Variants in PAX5 observed in about 807,000 individuals in gnomAD.
The protein encoded by PAX5 is paired box protein Pax-5.
A neutral mutation model predicts 43.7 loss-of-function variants in PAX5; 9 were observed. That is an observed-to-expected ratio of 0.21 (90% CI 0.12 to 0.36). The LOEUF (loss-of-function observed/expected upper bound fraction) is 0.36, where lower values mean the gene tolerates loss of function less well. Ranked by LOEUF, PAX5 falls within the 10% of genes least tolerant of loss-of-function variation. The probability of loss-of-function intolerance (pLI) is 1.00; values close to 1 mark genes in which losing one functional copy is unlikely to be tolerated. For synonymous variants in PAX5, 228 were observed against 214.3 expected (o/e 1.06, Z -0.56); for missense variants, 383 against 532.7 (o/e 0.72, Z 2.77).
intron 1 of PAX5, among the ~76,000 whole-genome samples, chr9:37,028,809 A>G (rs1283903054): frequency 6.6e-6 from 1 of 152,242 alleles, no homozygotes; most frequent in Admixed American, 6.5e-5. Flanking sequence ...CCTTCCCTCT[A>G]CAGGGGAAGT....
At chr9:36,909,814 A>ATTTTTTTTT (rs752114508) in intron 7 of PAX5, among the ~76,000 whole-genome samples, 16 of 91,866 alleles carry the variant, frequency 1.7e-4, no homozygotes, top group East Asian at 7.5e-4. Flanking sequence ...AGACATTTTA[A>ATTTTTTTTT]TTTTTTTTTT....
At chr9:36,863,850 C>T (rs1265048252) in intron 8 of PAX5, among the ~76,000 whole-genome samples, 2 of 152,232 alleles carry the variant, frequency 1.3e-5, no homozygotes, top group Non-Finnish European at 2.9e-5. Flanking sequence ...GTGGCTCACG[C>T]CTCCAATCCC....
At chr9:36,995,169 G>T (rs1588172110) in intron 5 of PAX5, among the ~76,000 whole-genome samples, 2 of 152,236 alleles carry the variant, frequency 1.3e-5, no homozygotes, top group South Asian at 2.1e-4. Context: ...GAGATGGAGA[G>T]GCTGCCTGTT....
In PAX5 at chr9:36,838,872, A is replaced by T. The variant is rs184703864; in HGVS notation, c.*1688T>A. On this transcript the variant is annotated 3_prime_UTR_variant, in exon 10 of 10. Coordinates refer to ENST00000358127, the MANE Select transcript of PAX5 (RefSeq NM_016734.3). ...TTTTGTCTGAGGTCCCACAGCAAAG[A>T]CATGTGGCCAGGACCAGGACAAGAC... The T allele has an allele frequency of 2.1e-5, 5 of 233,242 alleles. No homozygotes were observed. In the East Asian group the frequency reaches 3.0e-4, roughly 14 times the overall value. The allele number at this position is 233,242 out of a possible 1,614,324, so 14.4% of individuals were successfully genotyped here.
intron 7 of PAX5, among the ~76,000 whole-genome samples, chr9:36,890,379 C>T (rs956175534): frequency 2.0e-5 from 3 of 152,062 alleles, no homozygotes; most frequent in Non-Finnish European, 2.9e-5. Flanking sequence ...CATACAAGGC[C>T]CAAACTATAA....
At chr9:36,985,645 G>A (rs1836328829) in intron 5 of PAX5, among the ~76,000 whole-genome samples, 3 of 152,176 alleles carry the variant, frequency 2.0e-5, no homozygotes, top group Admixed American at 1.3e-4. Context: ...AGGGCAAGAA[G>A]AGCTTTCTGA....
chr9:36,978,255 A>T (rs1588132444), intron 5 of PAX5, among the ~76,000 whole-genome samples: 2 of 152,182 alleles, frequency 1.3e-5, no homozygotes, highest in African/African-American at 4.8e-5. Context: ...TAATTACTCC[A>T]CCTTACAGAG....
At chr9:37,001,810 C>CTTT (rs3073720) in intron 5 of PAX5, among the ~76,000 whole-genome samples, 6,744 of 87,554 alleles carry the variant, frequency 0.077, 640 homozygotes, top group African/African-American at 0.17. Flanking sequence ...ACAGCTCTGG[C>CTTT]TTTTTTTTTT....
chr9:37,013,045 T>A (rs1196488540), intron 3 of PAX5, among the ~76,000 whole-genome samples: 2 of 151,858 alleles, frequency 1.3e-5, no homozygotes, highest in Non-Finnish European at 2.9e-5. Context: ...AGCCCAGGAG[T>A]TCGATACCAG....
At chr9:36,943,596 C>G (rs1468317771) in intron 6 of PAX5, among the ~76,000 whole-genome samples, 2 of 149,898 alleles carry the variant, frequency 1.3e-5, no homozygotes, top group African/African-American at 4.9e-5. Context: ...TACTTAATAC[C>G]AGAAAAGAAG....
intron 5 of PAX5, among the ~76,000 whole-genome samples, chr9:36,987,891 G>A (rs1414261519): frequency 2.0e-5 from 3 of 152,244 alleles, no homozygotes; most frequent in Non-Finnish European, 4.4e-5. Flanking sequence ...CTGATAAAAT[G>A]TGCCAGCAGT....
intron 6 of PAX5, among the ~76,000 whole-genome samples, chr9:36,924,376 G>T (rs1307936196): frequency 1.3e-5 from 2 of 152,176 alleles, no homozygotes; most frequent in Admixed American, 1.3e-4. Context: ...ATAAGCATGA[G>T]TGACAAGTCT....
intron 5 of PAX5, among the ~76,000 whole-genome samples, chr9:36,977,495 G>T (rs1264973446): frequency 2.6e-5 from 4 of 151,896 alleles, no homozygotes; most frequent in Non-Finnish European, 5.9e-5. Flanking sequence ...TGTAGCCCGA[G>T]TCTTTTTTTG....
In PAX5 at chr9:37,010,006, T is replaced by G. The variant is rs541271381; in HGVS notation, c.411-3469A>C. Among the ~76,000 whole-genome samples the G allele has an allele frequency of 8.5e-5, 13 of 152,340 alleles. No homozygotes were observed. In the South Asian group the frequency reaches 2.5e-3, roughly 29 times the overall value. ...CCCCAGGGGTGAGAGATTTTGCTCA[T>G]CTGCCTTTAGCAGTCACCAAGTAAA... On this transcript the variant is annotated intron_variant, in intron 3 of 9. Coordinates refer to ENST00000358127, the MANE Select transcript of PAX5 (RefSeq NM_016734.3).
intron 5 of PAX5, among the ~76,000 whole-genome samples, chr9:36,976,494 A>C (rs969562641): frequency 6.6e-6 from 1 of 152,192 alleles, no homozygotes; most frequent in African/African-American, 2.4e-5. Context: ...GACATCTACT[A>C]TGAGCCAGGC....
intron 6 of PAX5, among the ~76,000 whole-genome samples, chr9:36,935,209 T>C (rs1831446025): frequency 1.3e-5 from 2 of 152,224 alleles, no homozygotes; most frequent in Non-Finnish European, 2.9e-5. Flanking sequence ...TGGAGAAACC[T>C]GTGTCTACTA....
At position 37,034,186 on chromosome 9, in the gene PAX5, G is replaced by C. The variant is rs975679076; in HGVS notation, c.-155C>G. The C allele has an allele frequency of 1.6e-6, 1 of 606,690 alleles. No homozygotes were observed. The highest frequency in any genetic ancestry group is 1.9e-5 in the African/African-American group (1 of 51,596). 37.6% of individuals were successfully genotyped at this position (606,690 alleles called of 1,614,324 possible). On this transcript the variant is annotated 5_prime_UTR_variant, in exon 1 of 10. Coordinates refer to ENST00000358127, the MANE Select transcript of PAX5 (RefSeq NM_016734.3). ...AAGCCTTCCGCTCCCCCGCCGAGCT[G>C]GGGTAGCTGATCACTGAGCTGAAAC...
chr9:37,019,591 A>T (rs963836140), intron 2 of PAX5, among the ~76,000 whole-genome samples: 8 of 152,258 alleles, frequency 5.3e-5, no homozygotes, highest in African/African-American at 1.9e-4. Flanking sequence ...AGGAGCCAGG[A>T]GAAAGTCAGA....
intron 7 of PAX5, among the ~76,000 whole-genome samples, chr9:36,918,450 C>T (rs150848639): frequency 6.6e-6 from 1 of 151,986 alleles, no homozygotes; most frequent in African/African-American, 2.4e-5. Flanking sequence ...ATTGCTTGAG[C>T]CTAGGAGTTT....
Sources: allele counts gnomAD v4.1 joint callset (sites outside exome capture counted in the v4.1 genomes callset), GRCh38; gene constraint gnomAD v4.1.1; transcripts MANE v1.5; gene names NCBI Gene and HGNC (gene_info 2026-07-23, HGNC 2026-07-21).